The following SLC17A9 variants were observed in gnomAD, a reference collection of about 807,000 sequenced individuals.
The protein encoded by SLC17A9 is voltage-gated purine nucleotide uniporter SLC17A9.
A neutral mutation model predicts 55.0 loss-of-function variants in SLC17A9; 49 were observed. The ratio of observed to expected loss-of-function variants is 0.89; its 90% CI spans 0.71 to 1.13. The LOEUF is 1.13. Ranked by LOEUF, SLC17A9 falls within the 50% of genes most tolerant of loss-of-function variation. The probability of loss-of-function intolerance (pLI) is 0.00; values close to 1 mark genes in which losing one functional copy is unlikely to be tolerated. For missense variants in SLC17A9, 526 were observed against 569.3 expected (o/e 0.92, Z 0.77); for synonymous variants, 256 against 247.4 (o/e 1.03, Z -0.32).
chr20:62,965,829 C>T (rs143084766), intron 10 of SLC17A9, 104 bp downstream of exon 10: 51 of 1,068,780 alleles, frequency 4.8e-5, no homozygotes, highest in African/African-American at 4.5e-4. Flanking sequence ...GTCTCTTCCT[C>T]ACACTTCACC....
chr20:62,953,043 G>A, intron 1 of SLC17A9, 154 bp downstream of exon 1: 1 of 1,186,844 alleles, frequency 8.4e-7, no homozygotes, highest in Non-Finnish European at 1.2e-6. Flanking sequence ...CCTTGTGGGA[G>A]GTGGAAGGAA....
chr20:62,966,432 C>A (rs369212321), intron 10 of SLC17A9, 93 bp from the exon 11 acceptor site: 5 of 1,430,288 alleles, frequency 3.5e-6, no homozygotes, highest in South Asian at 1.3e-5. Context: ...CGTGGCTCCA[C>A]GAGACCTTGC....
chr20:62,963,883 T>C, intron 7 of SLC17A9: 1 of 604,946 alleles, frequency 1.7e-6, no homozygotes. Flanking sequence ...AGGCTGGAAA[T>C]GATGCGGGCG....
Position 62,967,801 on chromosome 20 carries a change from A to T in SLC17A9, c.*301A>T, listed in dbSNP as rs1217094931. ...CAGGGTGGGTGGGGTTATTGTTAGT[A>T]GGCGCAGCCTCATTCCCACCACGAT... is the stretch of plus-strand genomic sequence containing the variant. On this transcript the variant is annotated 3_prime_UTR_variant, in exon 13 of 13. Coordinates refer to ENST00000370351, the MANE Select transcript of SLC17A9 (RefSeq NM_022082.4). 3 of 304,900 alleles carry T rather than the reference A, an allele frequency of 9.8e-6. No individual in the cohort carries two copies. Among genetic ancestry groups the T allele is most frequent in the Non-Finnish European group, 1.8e-5 (3 of 163,022 alleles). The allele number at this position is 304,900 out of a possible 1,614,324, so 18.9% of individuals were successfully genotyped here.
intron 4 of SLC17A9, among the ~76,000 whole-genome samples, chr20:62,961,608 A>G (rs369593257): frequency 6.6e-6 from 1 of 152,216 alleles, no homozygotes; most frequent in East Asian, 1.9e-4. Flanking sequence ...TGAGGTTCAG[A>G]GGGGCGGAGG....
chr20:62,955,010 G>C (rs1237878773), intron 1 of SLC17A9, among the ~76,000 whole-genome samples: 2 of 152,162 alleles, frequency 1.3e-5, no homozygotes, highest in African/African-American at 4.8e-5. Context: ...GCCCAGGCTA[G>C]AGTGCAGTGG....
chr20:62,954,865 A>G (rs564058811), intron 1 of SLC17A9, among the ~76,000 whole-genome samples: 13 of 152,212 alleles, frequency 8.5e-5, no homozygotes, highest in Non-Finnish European at 1.3e-4. Flanking sequence ...GCTGGCCTCA[A>G]TGGGGGTGAG....
Position 62,960,622 on chromosome 20 carries a change from C to A in SLC17A9, c.497+19C>A. 1 of 1,602,314 alleles carries A rather than the reference C, an allele frequency of 6.2e-7. No homozygotes were observed. Among genetic ancestry groups the A allele is most frequent in the Non-Finnish European group, 8.5e-7 (1 of 1,175,840 alleles). Reference sequence around the variant, plus strand: ...AGTTTGGGTAAGTCCTGGCCTAAGACGGGGCCCAGGAGAGGCCACCAGGTG... The same window carrying A: ...AGTTTGGGTAAGTCCTGGCCTAAGAAGGGGCCCAGGAGAGGCCACCAGGTG... On this transcript the variant is annotated intron_variant, in intron 4 of 12. Transcript: ENST00000370351.
Position 62,958,941 on chromosome 20 carries a change from T to C in SLC17A9, c.397+1361T>C, listed in dbSNP as rs543206372. On this transcript the variant is annotated intron_variant, in intron 3 of 12. Transcript: ENST00000370351. This position sits in a 1 kb window ranked among gnomAD's most constrained non-coding sequence, Gnocchi z 4.1. ...TGAGGACTTAGGATTGTGTGTTTAC[T>C]GTGAGGCCCCATCCCAGAGCCAGCC... 2.6e-5 allele frequency among the ~76,000 whole-genome samples: 4 copies of C among 152,248 alleles called. No homozygotes were observed. Among genetic ancestry groups the C allele is most frequent in the Non-Finnish European group, 5.9e-5 (4 of 67,994 alleles).
rs764084402 is a variant in SLC17A9, at chr20:62,965,766, C to G, written c.1061+41C>G. On this transcript the variant is annotated intron_variant, in intron 10 of 12. Transcript: ENST00000370351. The stretch of plus-strand genomic sequence containing the variant: ...TCCATCCACCAGAGCGCCGTGCTGC[C>G]CGCACGGCCGAGGCCCGCACATGTG... 2.5e-6 allele frequency: 4 copies of G among 1,591,200 alleles called. No homozygotes were observed. In the East Asian group the frequency reaches 6.7e-5, roughly 27 times the overall value.
Position 62,963,284 on chromosome 20 carries a change from G to A in SLC17A9, c.640G>A (p.Ala214Thr). Residue 214 changes from alanine (A) to threonine (T), a missense_variant, in exon 6 of 13, where the codon GCC becomes ACC. Ala to Thr is a moderately conservative substitution (Grantham distance 58). Coordinates refer to ENST00000370351, the MANE Select transcript of SLC17A9 (RefSeq NM_022082.4). The stretch of plus-strand genomic sequence containing the variant: ...CGTTGCTCCCTCAGATCTCATCCTG[G>A]CCTTGGGTGTCCTGGCCCAAAGCCG... ...YLLSEKDLIL[A>T]LGVLAQSRPV... 6.2e-7 allele frequency: 1 copy of A among 1,613,642 alleles called. No individual in the cohort carries two copies. Among genetic ancestry groups the A allele is most frequent in the Non-Finnish European group, 8.5e-7 (1 of 1,180,006 alleles).
At chr20:62,956,214 C>A (rs369480206) in intron 1 of SLC17A9, among the ~76,000 whole-genome samples, 6 of 152,174 alleles carry the variant, frequency 3.9e-5, no homozygotes, top group Non-Finnish European at 7.3e-5. Flanking sequence ...TCTTTTCTCC[C>A]GTGGGAAGCG....
In SLC17A9 at chr20:62,965,592, G is replaced by A. The variant is rs372159916; in HGVS notation, c.946-18G>A. ...GGCGGGCTGGGTGCCTCTCCGTCAC[G>A]GTGGCGCTTTCCTGCAGGGCATGGG... On this transcript the variant is annotated intron_variant, in intron 9 of 12. Transcript: ENST00000370351. 2.2e-4 allele frequency: 361 copies of A among 1,608,300 alleles called. 1 individual carries two copies. The highest frequency in any genetic ancestry group is 8.9e-4 in the Middle Eastern group (5 of 5,602).
At position 62,969,265 on chromosome 20, in the gene SLC17A9, G is replaced by T. The variant is rs1264438087; in HGVS notation, c.*1765G>T. On this transcript the variant is annotated 3_prime_UTR_variant, in exon 13 of 13. Transcript: ENST00000370351. The stretch of plus-strand genomic sequence containing the variant: ...CATTTTAGCCATTTTTAAGTGCACG[G>T]TTCTGTGGCATTAGGTACATTCGCA... 6.6e-6 allele frequency: 1 copy of T among 152,164 alleles called. No individual in the cohort carries two copies. The highest frequency in any genetic ancestry group is 1.5e-5 in the Non-Finnish European group (1 of 68,026). 9.4% of individuals were successfully genotyped at this position (152,164 alleles called of 1,614,324 possible).
At chr20:62,959,624 C>T (rs2065571875) in intron 3 of SLC17A9, among the ~76,000 whole-genome samples, 1 of 152,252 alleles carries the variant, frequency 6.6e-6, no homozygotes, top group African/African-American at 2.4e-5. Flanking sequence ...CGCCAGGCGG[C>T]CCCCAGCCTC....
At chr20:62,963,161 A>G in intron 5 of SLC17A9, 112 bp from the exon 6 acceptor site, 1 of 1,101,844 alleles carries the variant, frequency 9.1e-7, no homozygotes, top group South Asian at 1.3e-5. Flanking sequence ...AACCTGAGGC[A>G]TGGACGAGGC....
chr20:62,967,479 C>G lies in SLC17A9; in HGVS notation c.1290C>G (p.Ser430Arg). Reference protein sequence around the residue: ...VFGQAQRVDLSSTHEDL With the variant: ...VFGQAQRVDLRSTHEDL ...GACAGGCTCAGAGGGTGGACCTGAG[C>G]TCTACCCATGAGGACCTCTAGCTCC... The change falls in exon 13 of 13, where the codon AGC (serine) becomes AGG (arginine). Residue 430 changes from serine (S) to arginine (R), a missense_variant. Transcript: ENST00000370351. 1 of 1,614,006 alleles carries G rather than the reference C, an allele frequency of 6.2e-7. No homozygotes were observed. The highest frequency in any genetic ancestry group is 1.7e-5 in the Admixed American group (1 of 60,010).
intron 2 of SLC17A9, 29 bp downstream of exon 2, chr20:62,956,991 C>T: frequency 6.2e-7 from 1 of 1,612,284 alleles, no homozygotes; most frequent in South Asian, 1.1e-5. Flanking sequence ...CATCTCCTGG[C>T]TGGTGGGGGC....
chr20:62,965,758 CGTGCTGCCCGCACG>C (rs761746281), intron 10 of SLC17A9, 33 bp downstream of exon 10: 1 of 1,603,146 alleles, frequency 6.2e-7, no homozygotes, highest in Non-Finnish European at 8.5e-7. Flanking sequence ...ACCAGAGCGC[CGTGCTGCCCGCACG>C]GCCGAGGCCC....
Sources: gnomAD v4.1 joint callset for allele counts (sites outside exome capture counted in the v4.1 genomes callset) on GRCh38, gnomAD v4.1.1 for gene constraint, Gnocchi (gnomAD v3.1) non-coding constraint, MANE v1.5 for transcripts, NCBI Gene and HGNC (gene_info 2026-07-23, HGNC 2026-07-21) for gene names.